The following SULF2 variants were observed in gnomAD, a reference collection of about 807,000 sequenced individuals.
SULF2 encodes the protein extracellular sulfatase Sulf-2.
Under a neutral mutation model 107.7 loss-of-function variants are expected in SULF2, and 52 were observed. The observed-to-expected ratio is 0.48, with a 90% CI of 0.39 to 0.61. The LOEUF is 0.61. Ranked by LOEUF, SULF2 falls within the 20% of genes least tolerant of loss-of-function variation. The pLI, the probability that SULF2 is intolerant of heterozygous loss-of-function variation, is 0.00. For synonymous variants in SULF2, 460 were observed against 464.3 expected (o/e 0.99, Z 0.12); for missense variants, 993 against 1,177.3 (o/e 0.84, Z 2.29).
chr20:47,724,988 T>C (rs1049022591), intron 3 of SULF2, among the ~76,000 whole-genome samples: 1 of 151,986 alleles, frequency 6.6e-6, no homozygotes, highest in African/African-American at 2.4e-5. Context: ...ACAGGGAAAA[T>C]AAAAGGAAAG....
intron 1 of SULF2, among the ~76,000 whole-genome samples, chr20:47,773,480 G>A (rs1427091300): frequency 2.6e-5 from 4 of 152,252 alleles, no homozygotes; most frequent in Admixed American, 1.3e-4. Flanking sequence ...AAACCAACAT[G>A]GTGCAGCCGA....
intron 3 of SULF2, among the ~76,000 whole-genome samples, chr20:47,728,395 A>T (rs1022746617): frequency 6.6e-6 from 1 of 152,254 alleles, no homozygotes; most frequent in East Asian, 1.9e-4. Flanking sequence ...CTGTGTGTGC[A>T]GAGAGGCTGA....
At chr20:47,719,824 G>C (rs1348003543) in intron 3 of SULF2, among the ~76,000 whole-genome samples, 1 of 152,188 alleles carries the variant, frequency 6.6e-6, no homozygotes, top group Non-Finnish European at 1.5e-5. Context: ...ATACACTAAT[G>C]GGTGTGGCTG....
In SULF2 at chr20:47,678,770, G is replaced by A. The variant is rs1288350734; in HGVS notation, c.1099C>T (p.Pro367Ser). ...PHIVLNIDLA[P>S]TILDIAGLDI... is the part of the protein sequence containing the mutation. ...AGGCCTGCAATGTCCAGGATGGTGGGGGCCAGGTCAATGTTGAGGACGATG... is the reference window on the plus strand; with the variant it reads ...AGGCCTGCAATGTCCAGGATGGTGGAGGCCAGGTCAATGTTGAGGACGATG... Residue 367 changes from proline to serine, a missense_variant, in exon 8 of 21, where the codon CCC becomes TCC. By Grantham distance (74) the Pro-to-Ser change is moderately conservative. Around this residue, in one of 3 missense-constraint regions of SULF2, gnomAD observed 108 missense variants for 183.9 expected, o/e 0.59. Coordinates refer to ENST00000688720, the MANE Select transcript of SULF2 (RefSeq NM_001387048.1). This position sits in a 1 kb window ranked among gnomAD's most constrained non-coding sequence, Gnocchi z 4.5. The A allele has an allele frequency of 6.2e-7, 1 of 1,613,546 alleles. No homozygotes were observed. The highest frequency in any genetic ancestry group is 2.2e-5 in the East Asian group (1 of 44,884).
rs200819215 is a variant in SULF2, at chr20:47,763,036, G to GT, written c.-100-5574dup. Among the ~76,000 whole-genome samples the GT allele has an allele frequency of 1.7e-3, 256 of 152,098 alleles. 4 individuals carry two copies. Among genetic ancestry groups the GT allele is most frequent in the East Asian group, 9.3e-3 (48 of 5,166 alleles). On this transcript the variant is annotated intron_variant, in intron 1 of 20. Coordinates refer to ENST00000688720, the MANE Select transcript of SULF2 (RefSeq NM_001387048.1). ...AAGATGACACAAGGGATTCTGCCTT[G>GT]TTTTTTTTCCTTTTTCTTGGTAAAA...
At chr20:47,665,445 G>C in intron 13 of SULF2, 152 bp from the exon 14 acceptor site, 3 of 661,586 alleles carry the variant, frequency 4.5e-6, no homozygotes, top group Admixed American at 2.5e-5. Flanking sequence ...ATGTCTGGGT[G>C]GGGAGGAGGT....
chr20:47,745,408 A>T (rs1296435050), intron 2 of SULF2, among the ~76,000 whole-genome samples: 881 of 16,042 alleles, frequency 0.055, 56 homozygotes, highest in African/African-American at 0.22. Flanking sequence ...AAAAAAAAAA[A>T]AAATATATAT....
chr20:47,735,893 A>G (rs1223850070), intron 3 of SULF2, among the ~76,000 whole-genome samples: 1 of 152,150 alleles, frequency 6.6e-6, no homozygotes. Flanking sequence ...ACTCCCACCC[A>G]AACAAACCCC....
intron 4 of SULF2, among the ~76,000 whole-genome samples, chr20:47,695,197 C>T (rs942201310): frequency 6.6e-6 from 1 of 152,122 alleles, no homozygotes; most frequent in African/African-American, 2.4e-5. Flanking sequence ...TGGGCATGTC[C>T]GTGCTCCAGT....
rs575066574 is a variant in SULF2, at chr20:47,781,210, G to A, written c.-101+4133C>T. ...TGGTGGAAGGGAGAGGCATTGCCCA[G>A]GCAGCGTGTTTCCCCAGTCTCCACC... On this transcript the variant is annotated intron_variant, in intron 1 of 20. Coordinates refer to ENST00000688720, the MANE Select transcript of SULF2 (RefSeq NM_001387048.1). 1.6e-4 allele frequency among the ~76,000 whole-genome samples: 24 copies of A among 152,384 alleles called. 2 individuals are homozygous for A. The highest frequency in any genetic ancestry group is 5.8e-4 in the African/African-American group (24 of 41,598).
intron 4 of SULF2, among the ~76,000 whole-genome samples, chr20:47,697,144 C>T (rs181135014): frequency 1.1e-4 from 16 of 152,292 alleles, no homozygotes; most frequent in African/African-American, 3.6e-4. Context: ...AGCCTCTTTT[C>T]GGGTGGACTC....
chr20:47,711,003 G>C (rs1482461987), intron 3 of SULF2, among the ~76,000 whole-genome samples: 2 of 152,168 alleles, frequency 1.3e-5, no homozygotes, highest in Non-Finnish European at 2.9e-5. Context: ...GTCTCGTGGC[G>C]ACCAGGGACT....
chr20:47,738,091 T>TAGGAAGAAAGGCAAGAAGGA (rs1485246565), intron 2 of SULF2, among the ~76,000 whole-genome samples: 3 of 152,100 alleles, frequency 2.0e-5, no homozygotes, highest in Non-Finnish European at 4.4e-5. Context: ...GCAAGACACT[T>TAGGAAGAAAGGCAAGAAGGA]AGGAAGAAAG....
At chr20:47,683,734 C>T (rs933650638) in intron 6 of SULF2, among the ~76,000 whole-genome samples, 1 of 152,218 alleles carries the variant, frequency 6.6e-6, no homozygotes, top group African/African-American at 2.4e-5. Context: ...TATAATGTTA[C>T]TGCATTCAGT....
intron 3 of SULF2, among the ~76,000 whole-genome samples, chr20:47,721,497 TA>T (rs1568857946): frequency 6.6e-6 from 1 of 152,146 alleles, no homozygotes; most frequent in African/African-American, 2.4e-5. Flanking sequence ...ACCTCCCCAG[TA>T]CCTGGGACTA....
intron 6 of SULF2, 98 bp downstream of exon 6, chr20:47,684,330 CTAT>C (rs1361554198): frequency 1.5e-6 from 2 of 1,331,138 alleles, no homozygotes; most frequent in African/African-American, 3.0e-5. Context: ...CCTTTGATTT[CTAT>C]TCCTCCAGGA....
At chr20:47,669,755 A>G (rs2087401356) in intron 11 of SULF2, among the ~76,000 whole-genome samples, 1 of 152,140 alleles carries the variant, frequency 6.6e-6, no homozygotes, top group Non-Finnish European at 1.5e-5. Context: ...TTACACTCAC[A>G]TGAGGATTCT....
At chr20:47,737,837 A>C (rs2089782152) in intron 2 of SULF2, among the ~76,000 whole-genome samples, 1 of 127,954 alleles carries the variant, frequency 7.8e-6, no homozygotes, top group South Asian at 2.3e-4. Flanking sequence ...ATCTTGACTC[A>C]CTGCAATCTC....
At chr20:47,740,555 T>C (rs1443422231) in intron 2 of SULF2, among the ~76,000 whole-genome samples, 1 of 152,108 alleles carries the variant, frequency 6.6e-6, no homozygotes, top group African/African-American at 2.4e-5. Context: ...GGGGGTGGCA[T>C]TGCCTTAGAT....
Sources: allele counts gnomAD v4.1 joint callset (sites outside exome capture counted in the v4.1 genomes callset), GRCh38; gene constraint gnomAD v4.1.1; regional missense constraint gnomAD v4.1.1; non-coding constraint Gnocchi (gnomAD v3.1); transcripts MANE v1.5; gene names NCBI Gene and HGNC (gene_info 2026-07-23, HGNC 2026-07-21).